Variants in LACTBL1 observed in about 807,000 individuals in gnomAD.
The protein encoded by LACTBL1 is lactamase beta like 1.
LACTBL1 carries 29 observed loss-of-function variants against 39.6 expected under a neutral mutation model. The observed-to-expected ratio is 0.73, with a 90% CI of 0.55 to 1.00. The LOEUF is 1.00. LACTBL1 is among the 50% of genes least tolerant of loss of function. LACTBL1 has a pLI of 0.00. For synonymous variants in LACTBL1, 361 were observed against 360.7 expected (o/e 1.00, Z -0.01); for missense variants, 711 against 748.5 (o/e 0.95, Z 0.59).
At chr1:22,963,621 A>T (rs926594764) in intron 1 of LACTBL1, among the ~76,000 whole-genome samples, 1 of 152,298 alleles carries the variant, frequency 6.6e-6, no homozygotes, top group East Asian at 1.9e-4. Context: ...GGCCTAAACC[A>T]CAGCGACAAC....
Position 22,953,313 on chromosome 1 carries a change from C to T in LACTBL1, c.1371G>A (p.Gly457=), listed in dbSNP as rs547656569. ...GAGGCACCAGCGCCTCCACGCGCGG[C>T]CCGAACTGGCGCAGGCGCAGCTCGC... is the stretch of plus-strand genomic sequence containing the variant. Residue 457 remains glycine (G), a synonymous_variant, in exon 6 of 6, where the codon GGG becomes GGA. Coordinates refer to ENST00000426928, the Ensembl canonical transcript of LACTBL1. 4.1e-6 allele frequency: 5 copies of T among 1,225,890 alleles called. No homozygotes were observed. The Admixed American group carries it at 2.1e-4, about 52-fold the overall frequency. The allele number at this position is 1,225,890 out of a possible 1,614,324, so 75.9% of individuals were successfully genotyped here.
intron 2 of LACTBL1, among the ~76,000 whole-genome samples, chr1:22,960,575 C>T (rs1432343516): frequency 6.9e-6 from 1 of 144,102 alleles, no homozygotes; most frequent in Non-Finnish European, 1.5e-5. Flanking sequence ...CAAGATCTCG[C>T]CACTGTACTC....
chr1:22,970,259 A>G (rs537567625), upstream of LACTBL1, among the ~76,000 whole-genome samples: 7 of 152,354 alleles, frequency 4.6e-5, no homozygotes, highest in Admixed American at 2.0e-4. Context: ...GTACAAGGGA[A>G]TACTACTCAG....
the LACTBL1 span, among the ~76,000 whole-genome samples, chr1:22,971,598 C>T: frequency 6.6e-6 from 1 of 152,198 alleles, no homozygotes; most frequent in South Asian, 2.1e-4. Context: ...GACAACTACT[C>T]TTTGTCCAGT....
At chr1:22,963,062 C>G (rs1446054534) in intron 2 of LACTBL1, 45 bp downstream of exon 4, 1 of 1,102,434 alleles carries the variant, frequency 9.1e-7, no homozygotes. Flanking sequence ...CTTCATCACC[C>G]AGGCCCAGCC....
exon 3 of LACTBL1, chr1:22,960,077 G>T (rs1285114245): frequency 1.3e-6 from 2 of 1,550,640 alleles, no homozygotes; most frequent in Non-Finnish European, 1.7e-6. Flanking sequence ...GGCAGACATT[G>T]CCTGGCGCAG....
chr1:22,967,383 T>C (rs1001871967), upstream of LACTBL1, among the ~76,000 whole-genome samples: 2 of 151,450 alleles, frequency 1.3e-5, no homozygotes, highest in African/African-American at 4.9e-5. Flanking sequence ...TAAATAAATA[T>C]AAAAATAAAA....
At chr1:22,953,049 G>A (rs1167618134) in exon 6 of LACTBL1, 1 of 1,232,236 alleles carries the variant, frequency 8.1e-7, no homozygotes. Flanking sequence ...GGGGTCACTG[G>A]GTCTTGAACA....
At chr1:22,960,295 A>C (rs1470287688) in intron 2 of LACTBL1, among the ~76,000 whole-genome samples, 196 bp from the exon 5 acceptor site, 2 of 152,210 alleles carry the variant, frequency 1.3e-5, no homozygotes, top group African/African-American at 4.8e-5. Flanking sequence ...GTTTCTTAGC[A>C]AAATAAAAAA....
chr1:22,964,348 C>T (rs1356931756), intron 1 of LACTBL1, among the ~76,000 whole-genome samples: 1 of 152,148 alleles, frequency 6.6e-6, no homozygotes, highest in African/African-American at 2.4e-5. Flanking sequence ...TAGGCTAAAC[C>T]TTAAGGGGCT....
upstream of LACTBL1, chr1:22,965,360 G>T (rs1640866012): frequency 2.4e-6 from 3 of 1,275,806 alleles, no homozygotes; most frequent in South Asian, 6.0e-5. Flanking sequence ...GCAGGCAGAA[G>T]AAGCTGCAGA....
chr1:22,953,698 A>AGCGTCTTGGCC lies in LACTBL1; in HGVS notation c.975_985dup (p.Leu329ArgfsTer114). ...CGGGCAGGCCAGCAGCGGCGCCAGC[A>AGCGTCTTGGCC]GCGTCTTGGCCGCGTCGGGCCGCAG... On this transcript the variant is annotated frameshift_variant, in exon 6 of 6. Coordinates refer to ENST00000426928, the Ensembl canonical transcript of LACTBL1. LOFTEE classifies it high-confidence loss of function. 7.7e-7 allele frequency: 1 copy of AGCGTCTTGGCC among 1,301,564 alleles called. No individual in the cohort carries two copies. The highest frequency in any genetic ancestry group is 2.4e-5 in the South Asian group (1 of 41,010). 80.6% of individuals were successfully genotyped at this position (1,301,564 alleles called of 1,614,324 possible). A position where few individuals can be genotyped will look rare whatever the true frequency, so the allele number is the denominator to read the frequency against.
chr1:22,967,613 C>CAT (rs1640894725), upstream of LACTBL1, among the ~76,000 whole-genome samples: 1 of 151,716 alleles, frequency 6.6e-6, no homozygotes, highest in Non-Finnish European at 1.5e-5. Flanking sequence ...CACATATACA[C>CAT]ATATATATAA....
At chr1:22,953,810 A>G (rs888411343) in exon 6 of LACTBL1, 5 of 1,546,842 alleles carry the variant, frequency 3.2e-6, no homozygotes, top group Non-Finnish European at 4.4e-6. Context: ...GACGGCCGGT[A>G]CCAGCCCAGG....
the LACTBL1 span, chr1:22,972,430 G>C: frequency 4.1e-6 from 4 of 985,040 alleles, no homozygotes; most frequent in East Asian, 1.1e-4. Flanking sequence ...GGTCCTGAGG[G>C]GCTGGAAAAA....
upstream of LACTBL1, among the ~76,000 whole-genome samples, chr1:22,965,674 G>A (rs1004197823): frequency 2.0e-5 from 3 of 152,116 alleles, no homozygotes; most frequent in South Asian, 2.1e-4. Flanking sequence ...GTGAAATATC[G>A]TAAGACCAGC....
exon 6 of LACTBL1, chr1:22,953,590 T>G: frequency 1.6e-6 from 2 of 1,256,636 alleles, no homozygotes; most frequent in Non-Finnish European, 2.0e-6. Context: ...GCCGTCCAGA[T>G]CGCCGTCCTT....
upstream of LACTBL1, among the ~76,000 whole-genome samples, chr1:22,969,647 T>C (rs1019695299): frequency 4.2e-5 from 6 of 144,430 alleles, no homozygotes; most frequent in Non-Finnish European, 3.0e-5. Context: ...ACCTCCCGCA[T>C]CATTGCCCCT....
At position 22,953,919 on chromosome 1, in the gene LACTBL1, C is replaced by A. The variant is rs1218539853; in HGVS notation, c.765G>T (p.Pro255=). ...CAAAGCCCGTGTCTGCCATCCCCAGCGGCTCCAGCACGTTCTCCGAGACCC... is the reference window on the plus strand; with the variant it reads ...CAAAGCCCGTGTCTGCCATCCCCAGAGGCTCCAGCACGTTCTCCGAGACCC... Residue 255 remains proline, a synonymous_variant, in exon 6 of 6, where the codon CCG becomes CCT. Transcript: ENST00000426928. 1.4e-5 allele frequency: 22 copies of A among 1,550,352 alleles called. No individual in the cohort carries two copies. In the East Asian group the frequency reaches 3.7e-4, roughly 26 times the overall value.
Sources: allele counts gnomAD v4.1 joint callset (sites outside exome capture counted in the v4.1 genomes callset), GRCh38; gene constraint gnomAD v4.1.1; transcripts MANE v1.5; gene names NCBI Gene and HGNC (gene_info 2026-07-23, HGNC 2026-07-21).